ODF2L: variants seen among roughly 807,000 people sequenced by gnomAD.
ODF2L encodes the protein outer dense fiber of sperm tails 2 like.
ODF2L carries 76 observed loss-of-function variants against 86.3 expected under a neutral mutation model. That is an observed-to-expected ratio of 0.88 (90% CI 0.73 to 1.07). ODF2L has a LOEUF of 1.07. Ranked by LOEUF, ODF2L falls within the 50% of genes least tolerant of loss-of-function variation. The pLI is 0.00. For synonymous variants in ODF2L, 241 were observed against 231.3 expected (o/e 1.04, Z -0.38); for missense variants, 748 against 717.4 (o/e 1.04, Z -0.49).
chr1:86,360,269 G>A (rs570432960), intron 12 of ODF2L, among the ~76,000 whole-genome samples, 157 bp downstream of exon 11: 11 of 152,268 alleles, frequency 7.2e-5, no homozygotes, highest in Admixed American at 4.6e-4. Context: ...TATTTATAAA[G>A]ATGTGTGGGA....
chr1:86,383,738 A>G (rs1660745065), intron 4 of ODF2L, among the ~76,000 whole-genome samples: 1 of 151,738 alleles, frequency 6.6e-6, no homozygotes, highest in Admixed American at 6.6e-5. Flanking sequence ...ATAATGCAAA[A>G]TTGTACACGG....
chr1:86,393,782 A>G (rs1201439702), intron 1 of ODF2L, among the ~76,000 whole-genome samples: 1 of 152,248 alleles, frequency 6.6e-6, no homozygotes, highest in Non-Finnish European at 1.5e-5. Flanking sequence ...TAAACTTGCT[A>G]TTAACTGTGA....
Position 86,354,897 on chromosome 1 carries a change from C to A in ODF2L, c.1519-38G>T. 5.3e-6 allele frequency: 6 copies of A among 1,124,828 alleles called. No individual in the cohort carries two copies. In the Middle Eastern group the frequency reaches 1.1e-3, roughly 213 times the overall value. 69.7% of individuals were successfully genotyped at this position (1,124,828 alleles called of 1,614,324 possible). On this transcript the variant is annotated intron_variant, in intron 14 of 17. Transcript: ENST00000317336. ...AAAAAGTTTTCTTAGTCATTTTCTT[C>A]ACAATCAACTTCCAAAGAAATCCAT...
At chr1:86,384,917 T>C (rs187794288) in intron 3 of ODF2L, 116 bp from the exon 4 acceptor site, 8 of 707,072 alleles carry the variant, frequency 1.1e-5, no homozygotes, top group South Asian at 4.0e-5. Context: ...CTTTTGTGCA[T>C]AGTAATAATA....
At chr1:86,382,981 C>G (rs748708880) in exon 6 of ODF2L, 4 of 1,555,486 alleles carry the variant, frequency 2.6e-6, no homozygotes, top group Admixed American at 3.4e-5. Context: ...GCCTCCTTTT[C>G]AAATACCTTC....
At chr1:86,387,520 T>C (rs1174212424) in intron 1 of ODF2L, among the ~76,000 whole-genome samples, 4 of 152,166 alleles carry the variant, frequency 2.6e-5, no homozygotes, top group Non-Finnish European at 5.9e-5. Flanking sequence ...TTGGCAACAA[T>C]AGCTACAAAG....
intron 11 of ODF2L, among the ~76,000 whole-genome samples, chr1:86,365,365 T>C (rs1659329369): frequency 1.3e-5 from 2 of 152,142 alleles, no homozygotes; most frequent in South Asian, 4.1e-4. Flanking sequence ...TACTAGGCAC[T>C]AGAAGTAATG....
At position 86,359,419 on chromosome 1, in the gene ODF2L, T is replaced by A. The variant is rs964540009; in HGVS notation, c.1255-528A>T. On this transcript the variant is annotated intron_variant, in intron 12 of 17. Coordinates refer to ENST00000317336, the Ensembl canonical transcript of ODF2L. ...ACCTGGATGACTGAAATATTCTAACTGGATGTCTCAACTTAATTTTCCCAT... is the reference window on the plus strand; with the variant it reads ...ACCTGGATGACTGAAATATTCTAACAGGATGTCTCAACTTAATTTTCCCAT... 5.9e-5 allele frequency among the ~76,000 whole-genome samples: 9 copies of A among 152,188 alleles called. No individual in the cohort carries two copies. In the South Asian group the frequency reaches 1.2e-3, roughly 21 times the overall value.
chr1:86,386,895 CCT>C lies in ODF2L; in HGVS notation c.113+18_113+19del, dbSNP rs767360650. 9 of 1,246,388 alleles carry C rather than the reference CCT, an allele frequency of 7.2e-6. No individual in the cohort carries two copies. The highest frequency in any genetic ancestry group is 4.5e-5 in the African/African-American group (3 of 67,184). The allele number at this position is 1,246,388 out of a possible 1,614,324, so 77.2% of individuals were successfully genotyped here. The stretch of plus-strand genomic sequence containing the variant: ...CCTAGAATCGGAAATTTAGATTTCC[CCT>C]GATACTGATGAGAATACCAGCTGAG... On this transcript the variant is annotated intron_variant, in intron 2 of 17. Transcript: ENST00000317336.
At chr1:86,350,822 A>C (rs902798227) in exon 18 of ODF2L, 5 of 152,062 alleles carry the variant, frequency 3.3e-5, no homozygotes, top group African/African-American at 1.2e-4. Context: ...ATCTCACTGT[A>C]GTTTTGATTT....
chr1:86,368,389 T>C (rs1659585988), intron 11 of ODF2L, among the ~76,000 whole-genome samples: 4 of 152,156 alleles, frequency 2.6e-5, no homozygotes, highest in Admixed American at 2.6e-4. Flanking sequence ...AGAAGGTTAA[T>C]ATAATTGACT....
chr1:86,376,228 C>G lies in ODF2L; in HGVS notation c.810+5G>C, dbSNP rs375744723. The G allele has an allele frequency of 1.9e-6, 3 of 1,562,196 alleles. No homozygotes were observed. The highest frequency in any genetic ancestry group is 2.3e-5 in the South Asian group (2 of 88,804). On this transcript the variant is annotated splice_donor_5th_base_variant and intron_variant, in intron 8 of 17. Transcript: ENST00000317336. The stretch of plus-strand genomic sequence containing the variant: ...TTTAATTTTAAAAAGAATGCATTTA[C>G]ATACCTGATCTCTAATTTGGGAAGT...
At chr1:86,357,921 G>A (rs1658711797) in intron 13 of ODF2L, 1 of 985,142 alleles carries the variant, frequency 1.0e-6, no homozygotes, top group Middle Eastern at 5.2e-4. Context: ...TATGTTTCAT[G>A]AGAAAATGAG....
Position 86,386,901 on chromosome 1 carries a change from A to G in ODF2L, c.113+14T>C. 5.3e-6 allele frequency: 7 copies of G among 1,311,416 alleles called. No homozygotes were observed. The highest frequency in any genetic ancestry group is 7.7e-6 in the Non-Finnish European group (7 of 910,564). The allele number at this position is 1,311,416 out of a possible 1,614,324, so 81.2% of individuals were successfully genotyped here. ...ATCGGAAATTTAGATTTCCCCTGAT[A>G]CTGATGAGAATACCAGCTGAGATGA... On this transcript the variant is annotated intron_variant, in intron 2 of 17. Transcript: ENST00000317336.
intron 1 of ODF2L, among the ~76,000 whole-genome samples, chr1:86,394,589 G>T (rs1661573714): frequency 1.3e-5 from 2 of 152,060 alleles, no homozygotes; most frequent in African/African-American, 4.8e-5. Context: ...CTAGCTAAAA[G>T]CACAGACTAC....
chr1:86,361,670 G>T (rs1659045219), intron 11 of ODF2L, among the ~76,000 whole-genome samples: 1 of 152,012 alleles, frequency 6.6e-6, no homozygotes. Flanking sequence ...AATAACATTT[G>T]TCATTAGAAA....
intron 12 of ODF2L, 78 bp downstream of exon 11, chr1:86,360,348 T>C (rs979918865): frequency 5.9e-6 from 4 of 674,004 alleles, no homozygotes; most frequent in Non-Finnish European, 1.0e-5. Flanking sequence ...TTCAGTTCTA[T>C]TTATTTAGAT....
At chr1:86,360,682 G>A (rs1234963277) in intron 11 of ODF2L, 146 bp from the exon 11 acceptor site, 6 of 433,294 alleles carry the variant, frequency 1.4e-5, no homozygotes, top group South Asian at 1.1e-4. Flanking sequence ...CTAAAATTTA[G>A]GAATTTCACA....
chr1:86,382,337 G>T, exon 7 of ODF2L: 5 of 1,610,940 alleles, frequency 3.1e-6, no homozygotes, highest in Non-Finnish European at 4.2e-6. Context: ...TGGGAAAAAC[G>T]GTTTGCTTTC....
Sources: gnomAD v4.1 joint callset for allele counts (sites outside exome capture counted in the v4.1 genomes callset) on GRCh38, gnomAD v4.1.1 for gene constraint, MANE v1.5 for transcripts, NCBI Gene and HGNC (gene_info 2026-07-23, HGNC 2026-07-21) for gene names.